ZNHIT6: variants seen among roughly 807,000 people sequenced by gnomAD.
ZNHIT6 encodes the protein box C/D snoRNA protein 1.
A neutral mutation model predicts 57.2 loss-of-function variants in ZNHIT6; 45 were observed. The ratio of observed to expected loss-of-function variants is 0.79; its 90% CI spans 0.62 to 1.01. ZNHIT6 has a LOEUF of 1.01. ZNHIT6 is among the 50% of genes least tolerant of loss of function. The pLI, the probability that ZNHIT6 is intolerant of heterozygous loss-of-function variation, is 0.00. For synonymous variants in ZNHIT6, 188 were observed against 190.0 expected (o/e 0.99, Z 0.09); for missense variants, 528 against 567.3 (o/e 0.93, Z 0.70).
Position 85,677,526 on chromosome 1 carries a change from T to A in ZNHIT6, c.1170-213A>T, listed in dbSNP as rs183338933. ...AACATCTTAAATTTTAAAACACCTG[T>A]TTCAATAAATTAATCTGGCTATATA... On this transcript the variant is annotated intron_variant, in intron 7 of 9. Transcript: ENST00000370574. 1.0e-3 allele frequency among the ~76,000 whole-genome samples: 155 copies of A among 152,338 alleles called. 1 individual carries two copies. The highest frequency in any genetic ancestry group is 3.6e-3 in the African/African-American group (151 of 41,590).
chr1:85,696,037 A>G (rs1479504972), intron 5 of ZNHIT6, among the ~76,000 whole-genome samples: 3 of 152,248 alleles, frequency 2.0e-5, no homozygotes, highest in Admixed American at 6.5e-5. Context: ...TTCTGTCTCA[A>G]AACAAACAAA....
chr1:85,679,991 A>G (rs1661824955), intron 6 of ZNHIT6, among the ~76,000 whole-genome samples: 1 of 152,222 alleles, frequency 6.6e-6, no homozygotes, highest in Non-Finnish European at 1.5e-5. Flanking sequence ...GGATTGCTTG[A>G]GGCCAGGAGT....
chr1:85,662,167 A>AC (rs201075107), intron 8 of ZNHIT6, among the ~76,000 whole-genome samples: 1 of 151,322 alleles, frequency 6.6e-6, no homozygotes, highest in Non-Finnish European at 1.5e-5. Flanking sequence ...AAAAAAAAAA[A>AC]AAAACCTCCT....
At position 85,650,423 on chromosome 1, in the gene ZNHIT6, G is replaced by A. The variant is rs927489400; in HGVS notation, c.*3635C>T. On this transcript the variant is annotated 3_prime_UTR_variant, in exon 10 of 10. Transcript: ENST00000370574. ...TTTTGACGTTTGGACCCAGGACCCA[G>A]TCATTGCCTGGACTTCCCTGTATAT... The A allele has an allele frequency of 4.6e-5, 7 of 152,204 alleles. No individual in the cohort carries two copies. Among genetic ancestry groups the A allele is most frequent in the African/African-American group, 1.7e-4 (7 of 41,454 alleles). 9.4% of individuals were successfully genotyped at this position (152,204 alleles called of 1,614,324 possible). A position where few individuals can be genotyped will look rare whatever the true frequency, so the allele number is the denominator to read the frequency against.
intron 5 of ZNHIT6, among the ~76,000 whole-genome samples, chr1:85,685,688 C>T (rs951313751): frequency 4.0e-5 from 6 of 151,880 alleles, no homozygotes; most frequent in African/African-American, 9.7e-5. Flanking sequence ...GTGATCCTCT[C>T]GCCTCAGCCC....
intron 8 of ZNHIT6, among the ~76,000 whole-genome samples, chr1:85,672,635 G>T (rs150335477): frequency 1.3e-4 from 20 of 152,162 alleles, no homozygotes; most frequent in Non-Finnish European, 2.1e-4. Flanking sequence ...GGTTTCTTAT[G>T]ATATATACAG....
At position 85,657,950 on chromosome 1, in the gene ZNHIT6, A is replaced by C. The variant is rs1418676999; in HGVS notation, c.1269T>G (p.Tyr423Ter). Residue 423 changes from tyrosine (Y) to a stop codon, truncating the protein, a stop_gained, in exon 9 of 10, where the codon TAT (tyrosine) becomes TAG (stop). Transcript: ENST00000370574. LOFTEE classifies it high-confidence loss of function. ...TCCTCAAATTGTCTAGGAGACTTTT[A>C]TAAGGATCTAGTTCATAATATCTTA... ...NLVRYYELDP[Y>*]KSLLDNLRNK... 6.5e-7 allele frequency: 1 copy of C among 1,548,076 alleles called. No homozygotes were observed. The highest frequency in any genetic ancestry group is 2.3e-5 in the East Asian group (1 of 44,224).
chr1:85,671,043 G>A (rs948800581), intron 8 of ZNHIT6, among the ~76,000 whole-genome samples: 1 of 152,206 alleles, frequency 6.6e-6, no homozygotes, highest in Non-Finnish European at 1.5e-5. Flanking sequence ...TTAATGAGAT[G>A]TGTAAATGAA....
chr1:85,700,285 A>C (rs1476177578), intron 5 of ZNHIT6, among the ~76,000 whole-genome samples: 1 of 152,194 alleles, frequency 6.6e-6, no homozygotes, highest in African/African-American at 2.4e-5. Context: ...GGTAGCTATC[A>C]TGAGCTCCAT....
chr1:85,667,961 A>AAAAAAAAAAATATATATATAT, intron 8 of ZNHIT6, among the ~76,000 whole-genome samples: 1 of 18,202 alleles, frequency 5.5e-5, no homozygotes, highest in Non-Finnish European at 9.9e-5. Flanking sequence ...AAAAAAAAAA[A>AAAAAAAAAAATATATATATAT]ATATATATAT....
chr1:85,675,683 A>C (rs1661679975), intron 8 of ZNHIT6, among the ~76,000 whole-genome samples: 2 of 152,198 alleles, frequency 1.3e-5, no homozygotes, highest in African/African-American at 4.8e-5. Context: ...TAAGTCCTAC[A>C]TGCCATCTTC....
intron 8 of ZNHIT6, among the ~76,000 whole-genome samples, chr1:85,666,860 T>C (rs1661384436): frequency 6.6e-6 from 1 of 152,212 alleles, no homozygotes; most frequent in African/African-American, 2.4e-5. Context: ...TGTTCTGTAA[T>C]AGAATACAGA....
chr1:85,696,158 G>A (rs1662362625), intron 5 of ZNHIT6, among the ~76,000 whole-genome samples: 3 of 148,738 alleles, frequency 2.0e-5, no homozygotes, highest in South Asian at 4.3e-4. Flanking sequence ...CCAAATAATC[G>A]CTAATTTATT....
Position 85,667,294 on chromosome 1 carries a change from C to T in ZNHIT6, c.1248-9323G>A, listed in dbSNP as rs151025841. ...AGTAAGGCACTCAATAAAAGTATGT[C>T]ATTCATACTTACTATATTCCATAAA... On this transcript the variant is annotated intron_variant, in intron 8 of 9. Coordinates refer to ENST00000370574, the MANE Select transcript of ZNHIT6 (RefSeq NM_017953.4). Among the ~76,000 whole-genome samples the T allele has an allele frequency of 3.0e-3, 455 of 152,238 alleles. 1 individual carries two copies. The highest frequency in any genetic ancestry group is 0.01 in the African/African-American group (435 of 41,558).
intron 8 of ZNHIT6, among the ~76,000 whole-genome samples, chr1:85,659,000 T>C (rs1661150854): frequency 1.3e-5 from 2 of 152,206 alleles, no homozygotes; most frequent in Admixed American, 6.5e-5. Flanking sequence ...CCAATCACCT[T>C]ATGACAATTT....
intron 5 of ZNHIT6, among the ~76,000 whole-genome samples, chr1:85,681,761 CAAAG>C (rs1308365256): frequency 6.6e-6 from 1 of 152,012 alleles, no homozygotes; most frequent in African/African-American, 2.4e-5. Context: ...TGTCAGAAGA[CAAAG>C]AACATAATTT....
chr1:85,704,221 G>A (rs1171340935), intron 4 of ZNHIT6, among the ~76,000 whole-genome samples: 4 of 152,144 alleles, frequency 2.6e-5, no homozygotes, highest in Non-Finnish European at 4.4e-5. Context: ...GTAACATCTA[G>A]GCAAATTGAA....
At chr1:85,678,576 C>T in intron 7 of ZNHIT6, 125 bp downstream of exon 7, 1 of 648,082 alleles carries the variant, frequency 1.5e-6, no homozygotes, top group African/African-American at 1.9e-5. Context: ...CTTCAGTAAA[C>T]ACCAAGAAAA....
chr1:85,672,881 G>C (rs1331533444), intron 8 of ZNHIT6, among the ~76,000 whole-genome samples: 1 of 151,582 alleles, frequency 6.6e-6, no homozygotes, highest in Non-Finnish European at 1.5e-5. Flanking sequence ...TTTCTTTCTG[G>C]TAAATAATTC....
Sources: gnomAD v4.1 joint callset for allele counts (sites outside exome capture counted in the v4.1 genomes callset) on GRCh38, gnomAD v4.1.1 for gene constraint, MANE v1.5 for transcripts, NCBI Gene and HGNC (gene_info 2026-07-23, HGNC 2026-07-21) for gene names.